RFX4: variants seen among roughly 807,000 people sequenced by gnomAD.
The protein encoded by RFX4 is transcription factor RFX4.
In RFX4, 10 loss-of-function variants were observed where a neutral mutation model predicts 95.0. The ratio of observed to expected loss-of-function variants is 0.11; its 90% CI spans 0.06 to 0.18. The LOEUF is 0.18. Ranked by LOEUF, RFX4 falls within the 10% of genes least tolerant of loss-of-function variation. The pLI, the probability that RFX4 is intolerant of heterozygous loss-of-function variation, is 1.00. For synonymous variants in RFX4, 321 were observed against 340.7 expected (o/e 0.94, Z 0.64); for missense variants, 640 against 922.0 (o/e 0.69, Z 3.96).
chr12:106,619,630 A>G (rs1277698243), intron 2 of RFX4, among the ~76,000 whole-genome samples: 1 of 152,178 alleles, frequency 6.6e-6, no homozygotes, highest in African/African-American at 2.4e-5. Flanking sequence ...GTTGTCTTTC[A>G]TCAAATTTGC....
Position 106,715,489 on chromosome 12 carries a change from A to G in RFX4, c.1083A>G (p.Gln361=). The change falls in exon 11 of 18, where the codon CAA becomes CAG. Residue 361 remains glutamine (Q), a synonymous_variant. Transcript: ENST00000392842. ...TGGACCTGAACAGCATCACCAAGCAAACCCTTTACACCATGGAAGACTCTC... is the reference window on the plus strand; with the variant it reads ...TGGACCTGAACAGCATCACCAAGCAGACCCTTTACACCATGGAAGACTCTC... ...RNVDLNSITK[Q]TLYTMEDSRD... 1 of 1,614,184 alleles carries G rather than the reference A, an allele frequency of 6.2e-7. No homozygotes were observed. The highest frequency in any genetic ancestry group is 8.5e-7 in the Non-Finnish European group (1 of 1,180,026).
intron 5 of RFX4, among the ~76,000 whole-genome samples, chr12:106,685,900 G>A (rs1592937882): frequency 6.6e-6 from 1 of 152,188 alleles, no homozygotes; most frequent in African/African-American, 2.4e-5. Context: ...TGCCTGGCAT[G>A]TAGCCAATAT....
intron 13 of RFX4, among the ~76,000 whole-genome samples, chr12:106,727,193 C>CA (rs1490595434): frequency 2.0e-5 from 3 of 151,930 alleles, no homozygotes; most frequent in Non-Finnish European, 4.4e-5. Flanking sequence ...GAAAAATTAC[C>CA]AATTAACATA....
At chr12:106,669,028 T>G (rs1024164908) in intron 4 of RFX4, among the ~76,000 whole-genome samples, 1 of 152,354 alleles carries the variant, frequency 6.6e-6, no homozygotes, top group East Asian at 1.9e-4. Flanking sequence ...CTTATTTAAG[T>G]CTGTAAAAAT....
chr12:106,609,562 A>G (rs936034690), intron 2 of RFX4, among the ~76,000 whole-genome samples: 2 of 152,212 alleles, frequency 1.3e-5, no homozygotes, highest in African/African-American at 4.8e-5. Context: ...GTTTTCTGAA[A>G]GCATGAGCCC....
intron 4 of RFX4, among the ~76,000 whole-genome samples, chr12:106,656,880 A>AT (rs2040970994): frequency 6.6e-6 from 1 of 152,220 alleles, no homozygotes; most frequent in African/African-American, 2.4e-5. Context: ...CAAAATAGTC[A>AT]TTTAAAAAAC....
chr12:106,605,129 T>C (rs1280146154), intron 1 of RFX4, among the ~76,000 whole-genome samples: 2 of 152,194 alleles, frequency 1.3e-5, no homozygotes, highest in African/African-American at 4.8e-5. Flanking sequence ...GTATGATACC[T>C]CACCCATAGT....
Position 106,750,703 on chromosome 12 carries a change from C to A in RFX4, c.1845C>A (p.His615Gln). ...GGAGCTATGGCAACCAGCATCCTCA[C>A]CCCATGCAGAGCCAGTATCCGGCCC... ...NYGSYGNQHP[H>Q]PMQSQYPALP... is the part of the protein sequence containing the mutation. The change falls in exon 17 of 18, where the codon CAC becomes CAA. Residue 615 changes from histidine to glutamine, a missense_variant. Physicochemically the swap from His to Gln is conservative, Grantham distance 24. Around this residue, in one of 7 missense-constraint regions of RFX4, gnomAD observed 300 missense variants for 346.8 expected, o/e 0.87. Transcript: ENST00000392842. 6.2e-7 allele frequency: 1 copy of A among 1,610,706 alleles called. No individual in the cohort carries two copies. The highest frequency in any genetic ancestry group is 8.5e-7 in the Non-Finnish European group (1 of 1,178,658).
At position 106,601,306 on chromosome 12, in the gene RFX4, G is replaced by C. The variant is rs772103002; in HGVS notation, c.44-7491G>C. ...TCAAAAGGAGAGCCCACCCTGGTGC[G>C]GGAGGCGACAGGACCAGGCCTCGAC... On this transcript the variant is annotated intron_variant, in intron 1 of 17. Transcript: ENST00000392842. The C allele has an allele frequency of 2.5e-6, 4 of 1,595,484 alleles. No individual in the cohort carries two copies. In the East Asian group the frequency reaches 9.1e-5, roughly 36 times the overall value.
intron 8 of RFX4, 142 bp from the exon 9 acceptor site, chr12:106,709,188 C>T (rs2042147203): frequency 3.0e-6 from 2 of 676,256 alleles, no homozygotes; most frequent in Admixed American, 2.8e-5. Flanking sequence ...GGACTGTTGG[C>T]ACTGTCTCTG....
chr12:106,740,575 GTTCA>G (rs2042788194), intron 15 of RFX4, among the ~76,000 whole-genome samples: 1 of 151,892 alleles, frequency 6.6e-6, no homozygotes, highest in African/African-American at 2.4e-5. Flanking sequence ...TCATTCATTT[GTTCA>G]TTCATTCAAC....
chr12:106,650,149 A>C (rs2040831787), intron 3 of RFX4, among the ~76,000 whole-genome samples: 1 of 152,220 alleles, frequency 6.6e-6, no homozygotes, highest in African/African-American at 2.4e-5. Context: ...AAAAAATCTA[A>C]TTGGTTTTAA....
intron 13 of RFX4, among the ~76,000 whole-genome samples, chr12:106,728,936 T>C (rs73395361): frequency 0.012 from 1,838 of 152,246 alleles, 26 homozygotes; most frequent in African/African-American, 0.042. Context: ...GAATGGAAAA[T>C]TAACAGACAA....
chr12:106,729,707 G>A (rs896066543), intron 13 of RFX4, among the ~76,000 whole-genome samples: 1 of 152,186 alleles, frequency 6.6e-6, no homozygotes, highest in Admixed American at 6.5e-5. Flanking sequence ...TGCCACAGAG[G>A]CAGAGGTCAA....
intron 2 of RFX4, among the ~76,000 whole-genome samples, chr12:106,615,378 C>T (rs1345394650): frequency 6.6e-6 from 1 of 152,072 alleles, no homozygotes; most frequent in Non-Finnish European, 1.5e-5. Flanking sequence ...TATTACTGCA[C>T]CTATAAAATA....
intron 2 of RFX4, among the ~76,000 whole-genome samples, chr12:106,626,427 A>T (rs1032578360): frequency 1.3e-5 from 2 of 152,134 alleles, no homozygotes; most frequent in Non-Finnish European, 2.9e-5. Context: ...AGTTTTCCAG[A>T]TTGGCTTGAA....
chr12:106,655,485 C>T (rs1232347258), intron 4 of RFX4, among the ~76,000 whole-genome samples: 1 of 152,132 alleles, frequency 6.6e-6, no homozygotes, highest in Non-Finnish European at 1.5e-5. Context: ...GAAAGGAACT[C>T]AGTATGGCTC....
chr12:106,693,346 C>G (rs1384462734), intron 7 of RFX4, among the ~76,000 whole-genome samples: 1 of 152,212 alleles, frequency 6.6e-6, no homozygotes, highest in African/African-American at 2.4e-5. Flanking sequence ...AGGCTTCAAA[C>G]AGACAGATGC....
At chr12:106,684,130 G>C (rs2041591386) in intron 5 of RFX4, among the ~76,000 whole-genome samples, 1 of 152,190 alleles carries the variant, frequency 6.6e-6, no homozygotes, top group South Asian at 2.1e-4. Flanking sequence ...ACTTTGGGAG[G>C]CTGAGGCCCG....
Sources: allele counts gnomAD v4.1 joint callset (sites outside exome capture counted in the v4.1 genomes callset), GRCh38; gene constraint gnomAD v4.1.1; regional missense constraint gnomAD v4.1.1; transcripts MANE v1.5; gene names NCBI Gene and HGNC (gene_info 2026-07-23, HGNC 2026-07-21).